Variants in ARHGAP28 observed in about 807,000 individuals in gnomAD.
ARHGAP28 encodes the protein rho GTPase-activating protein 28.
Under a neutral mutation model 90.7 loss-of-function variants are expected in ARHGAP28, and 56 were observed. The observed-to-expected ratio is 0.62, with a 90% CI of 0.50 to 0.77. The LOEUF is 0.77. ARHGAP28 is among the 30% of genes least tolerant of loss of function. ARHGAP28 has a pLI of 0.00. For synonymous variants in ARHGAP28, 308 were observed against 323.3 expected, an observed-to-expected ratio of 0.95 and a Z score of 0.51; for missense variants, 869 against 900.9, an observed-to-expected ratio of 0.96 and a Z score of 0.45.
At chr18:6,839,122 A>G (rs1299118921) in intron 3 of ARHGAP28, among the ~76,000 whole-genome samples, 1 of 152,146 alleles carries the variant, frequency 6.6e-6, no homozygotes, top group Non-Finnish European at 1.5e-5. Context: ...GGAAATTGGG[A>G]TAGACTCCAC....
chr18:6,756,335 G>A (rs574448591), intron 1 of ARHGAP28, among the ~76,000 whole-genome samples: 24 of 152,080 alleles, frequency 1.6e-4, no homozygotes, highest in Admixed American at 3.3e-4. Context: ...CCTTTCAGGT[G>A]TAAAAATCCA....
chr18:6,761,328 T>C (rs1390281607), intron 1 of ARHGAP28, among the ~76,000 whole-genome samples: 2 of 152,190 alleles, frequency 1.3e-5, no homozygotes, highest in Non-Finnish European at 2.9e-5. Context: ...GTATATTACA[T>C]TAAAATGTTT....
intron 1 of ARHGAP28, among the ~76,000 whole-genome samples, chr18:6,792,991 C>G (rs1161586627): frequency 3.3e-5 from 5 of 152,160 alleles, no homozygotes; most frequent in Non-Finnish European, 7.3e-5. Context: ...TTAAGCAAAA[C>G]ATAATGAAAA....
chr18:6,894,841 A>T lies in ARHGAP28; in HGVS notation c.1855A>T (p.Ser619Cys), dbSNP rs2057293324. The change falls in exon 15 of 18, where the codon AGC becomes TGC. Residue 619 changes from serine (S) to cysteine (C), a missense_variant. Coordinates refer to ENST00000383472, the MANE Select transcript of ARHGAP28 (RefSeq NM_001366230.1). ...RRKTLERETASPKTSKVLQKS... is the reference protein window; with the variant it reads ...RRKTLERETACPKTSKVLQKS... ...AAGACTGTGTTTCTTTTAGACTGCAAGCCCCAAGACTTCAAAGGTACTGCA... is the reference window on the plus strand; with the variant it reads ...AAGACTGTGTTTCTTTTAGACTGCATGCCCCAAGACTTCAAAGGTACTGCA... The T allele has an allele frequency of 6.2e-7, 1 of 1,614,074 alleles. No homozygotes were observed. Among genetic ancestry groups the T allele is most frequent in the Non-Finnish European group, 8.5e-7 (1 of 1,179,962 alleles).
intron 9 of ARHGAP28, among the ~76,000 whole-genome samples, chr18:6,875,672 G>A (rs1375516891): frequency 3.3e-5 from 5 of 152,260 alleles, no homozygotes; most frequent in Non-Finnish European, 7.4e-5. Context: ...GAGAACTCAC[G>A]AAAGCTATTA....
At chr18:6,758,894 T>C (rs1240155776) in intron 1 of ARHGAP28, among the ~76,000 whole-genome samples, 1 of 152,218 alleles carries the variant, frequency 6.6e-6, no homozygotes, top group Admixed American at 6.5e-5. Flanking sequence ...AATGGCATAG[T>C]ACTGCTTTAG....
chr18:6,856,199 C>T (rs11081280), intron 4 of ARHGAP28, among the ~76,000 whole-genome samples: 1,606 of 152,292 alleles, frequency 0.011, 23 homozygotes, highest in Admixed American at 0.022. Context: ...TTTTCTTCAA[C>T]TTTATGCTCC....
At chr18:6,867,709 TAAC>T (rs1366739054) in intron 5 of ARHGAP28, among the ~76,000 whole-genome samples, 1 of 152,196 alleles carries the variant, frequency 6.6e-6, no homozygotes, top group Non-Finnish European at 1.5e-5. Context: ...AATGTTATAT[TAAC>T]AATATAATTA....
chr18:6,739,702 C>G (rs1041642498), intron 1 of ARHGAP28, among the ~76,000 whole-genome samples: 2 of 147,210 alleles, frequency 1.4e-5, no homozygotes, highest in Non-Finnish European at 3.0e-5. Context: ...GGTTTTAATC[C>G]TTTAATCTTT....
At chr18:6,897,955 GTATCAA>G (rs1415457478) in intron 16 of ARHGAP28, 1 of 152,304 alleles carries the variant, frequency 6.6e-6, no homozygotes, top group Non-Finnish European at 1.5e-5. Flanking sequence ...TAGGTAGGTT[GTATCAA>G]TATCAGTATC....
Position 6,887,254 on chromosome 18 carries a change from C to A in ARHGAP28, c.1536+15C>A. The A allele has an allele frequency of 6.2e-7, 1 of 1,612,098 alleles. No homozygotes were observed. Among genetic ancestry groups the A allele is most frequent in the South Asian group, 1.1e-5 (1 of 91,028 alleles). ...ATGCAGCTCAGGTACGTCGTGTCCACCTCACAGCTTGTCCTGGGGCTCTTA... is the reference window on the plus strand; with the variant it reads ...ATGCAGCTCAGGTACGTCGTGTCCAACTCACAGCTTGTCCTGGGGCTCTTA... On this transcript the variant is annotated intron_variant, in intron 12 of 17. Coordinates refer to ENST00000383472, the MANE Select transcript of ARHGAP28 (RefSeq NM_001366230.1).
rs1238517925 is a variant in ARHGAP28, at chr18:6,914,035, T to C, written c.*1881T>C. On this transcript the variant is annotated 3_prime_UTR_variant, in exon 18 of 18. Transcript: ENST00000383472. Reference sequence around the variant, plus strand: ...TTTCTGCGTATATATGAAAACTGAATGATATTTCTCAGTGTATTTCCTTGC... The same window carrying C: ...TTTCTGCGTATATATGAAAACTGAACGATATTTCTCAGTGTATTTCCTTGC... The C allele has an allele frequency of 6.6e-6, 1 of 152,154 alleles. No individual in the cohort carries two copies. Among genetic ancestry groups the C allele is most frequent in the Non-Finnish European group, 1.5e-5 (1 of 68,006 alleles). 9.4% of individuals were successfully genotyped at this position (152,154 alleles called of 1,614,324 possible).
rs2057163375 is a variant in ARHGAP28, at chr18:6,879,837, C to T, written c.1291-2300C>T. On this transcript the variant is annotated intron_variant, in intron 10 of 17. Transcript: ENST00000383472. ...TCTTGGGAATGTCGTTTTAATATTC[C>T]ATTGTACATTGAGAAGCTTGAAGCA... 2.0e-5 allele frequency among the ~76,000 whole-genome samples: 3 copies of T among 152,120 alleles called. No individual in the cohort carries two copies. The South Asian group carries it at 6.2e-4, about 32-fold the overall frequency.
At chr18:6,793,206 C>T (rs1256497567) in intron 1 of ARHGAP28, among the ~76,000 whole-genome samples, 2 of 152,136 alleles carry the variant, frequency 1.3e-5, no homozygotes, top group Non-Finnish European at 2.9e-5. Flanking sequence ...CCCTAAAATG[C>T]TGTACAATTG....
At chr18:6,767,999 CT>C (rs1263715941) in intron 1 of ARHGAP28, among the ~76,000 whole-genome samples, 4 of 152,168 alleles carry the variant, frequency 2.6e-5, no homozygotes, top group African/African-American at 9.7e-5. Flanking sequence ...TGTTTCCAAA[CT>C]TTTGTTCCCT....
rs192487510 is a variant in ARHGAP28, at chr18:6,791,985, C to T, written c.123-32777C>T. On this transcript the variant is annotated intron_variant, in intron 1 of 17. Transcript: ENST00000383472. ...GGCTAATTTTTGTATTTTTAGTAGA[C>T]GAGGTTTCACCATGTTGGCCAGGCT... Among the ~76,000 whole-genome samples, 1,192 of 151,922 alleles carry T rather than the reference C, an allele frequency of 7.8e-3. 12 individuals carry two copies. Among genetic ancestry groups the T allele is most frequent in the Non-Finnish European group, 0.011 (772 of 67,912 alleles).
At chr18:6,839,762 T>G (rs936185934) in intron 3 of ARHGAP28, among the ~76,000 whole-genome samples, 12 of 152,330 alleles carry the variant, frequency 7.9e-5, no homozygotes, top group South Asian at 6.2e-4. Context: ...GGGTGGTATA[T>G]TAGAAAAAGG....
At chr18:6,813,784 A>G (rs1454702644) in intron 1 of ARHGAP28, among the ~76,000 whole-genome samples, 2 of 152,140 alleles carry the variant, frequency 1.3e-5, no homozygotes, top group African/African-American at 4.8e-5. Flanking sequence ...TAGCTGTGTC[A>G]TTTTGGACAA....
chr18:6,784,700 G>A (rs1160388047), intron 1 of ARHGAP28, among the ~76,000 whole-genome samples: 3 of 152,152 alleles, frequency 2.0e-5, no homozygotes, highest in Non-Finnish European at 4.4e-5. Flanking sequence ...ACAAAGATGG[G>A]AACAAAATGA....
Sources: allele counts gnomAD v4.1 joint callset (sites outside exome capture counted in the v4.1 genomes callset), GRCh38; gene constraint gnomAD v4.1.1; transcripts MANE v1.5; gene names NCBI Gene and HGNC (gene_info 2026-07-23, HGNC 2026-07-21).